GAS7: variants seen among roughly 807,000 people sequenced by gnomAD.
GAS7 encodes the protein growth arrest-specific protein 7.
GAS7 carries 28 observed loss-of-function variants against 71.1 expected under a neutral mutation model. The observed-to-expected ratio is 0.39, with a 90% CI of 0.29 to 0.54. The LOEUF (loss-of-function observed/expected upper bound fraction) is 0.54, where lower values mean the gene tolerates loss of function less well. Ranked by LOEUF, GAS7 falls within the 20% of genes least tolerant of loss-of-function variation. The pLI, the probability that GAS7 is intolerant of heterozygous loss-of-function variation, is 0.62. For missense variants in GAS7, 436 were observed against 627.8 expected (o/e 0.69, Z 3.27); for synonymous variants, 258 against 245.8 (o/e 1.05, Z -0.46).
chr17:10,138,020 T>G (rs2074052741), intron 1 of GAS7, among the ~76,000 whole-genome samples: 1 of 151,998 alleles, frequency 6.6e-6, no homozygotes. Flanking sequence ...TGGAATGCAG[T>G]GGCACAATCT....
In GAS7 at chr17:10,055,150, C is replaced by T. The variant is rs577830221; in HGVS notation, c.184-35253G>A. ...CAGTGGCCTGGGGTAGGATAGTGCACATCCTCAGGTCTGAATGTGAAATGA... is the reference window on the plus strand; with the variant it reads ...CAGTGGCCTGGGGTAGGATAGTGCATATCCTCAGGTCTGAATGTGAAATGA... On this transcript the variant is annotated intron_variant, in intron 1 of 13. Transcript: ENST00000432992. Among the ~76,000 whole-genome samples, 23 of 152,286 alleles carry T rather than the reference C, an allele frequency of 1.5e-4. No individual in the cohort carries two copies. The South Asian group carries it at 4.4e-3, about 29-fold the overall frequency.
chr17:10,151,754 C>T (rs780130127), intron 1 of GAS7, among the ~76,000 whole-genome samples: 6 of 152,142 alleles, frequency 3.9e-5, no homozygotes, highest in Non-Finnish European at 8.8e-5. Flanking sequence ...TAATGTTGCC[C>T]AAGCTAGTCT....
At chr17:10,064,954 G>A (rs573849813) in intron 1 of GAS7, among the ~76,000 whole-genome samples, 130 of 152,194 alleles carry the variant, frequency 8.5e-4, no homozygotes, top group African/African-American at 3.0e-3. Context: ...TCAAGTACCT[G>A]GGACTACAGG....
chr17:10,005,475 A>G (rs1424849001), intron 2 of GAS7, among the ~76,000 whole-genome samples: 4 of 150,076 alleles, frequency 2.7e-5, no homozygotes, highest in Non-Finnish European at 5.9e-5. Flanking sequence ...AACACGGAAA[A>G]CACATGCATG....
At chr17:10,166,808 T>C (rs1049869678) in intron 1 of GAS7, among the ~76,000 whole-genome samples, 1 of 152,182 alleles carries the variant, frequency 6.6e-6, no homozygotes, top group Non-Finnish European at 1.5e-5. Flanking sequence ...ATAACTGATT[T>C]AAAAAGACCA....
intron 2 of GAS7, among the ~76,000 whole-genome samples, chr17:9,984,142 A>G (rs79859301): frequency 0.1 from 15,229 of 152,276 alleles, 1,039 homozygotes; most frequent in African/African-American, 0.2. Flanking sequence ...TGAAAATTCA[A>G]TTGTTTCAAA....
At chr17:10,012,241 T>C (rs1319468389) in intron 2 of GAS7, among the ~76,000 whole-genome samples, 3 of 152,178 alleles carry the variant, frequency 2.0e-5, no homozygotes. Flanking sequence ...TACCTATGAC[T>C]ATATTAAGTG....
At chr17:10,086,894 A>G (rs2073525475) in intron 1 of GAS7, among the ~76,000 whole-genome samples, 1 of 152,172 alleles carries the variant, frequency 6.6e-6, no homozygotes, top group Admixed American at 6.5e-5. Flanking sequence ...GCCGTGTCAT[A>G]CAAGCCAAAG....
At chr17:10,003,743 T>C (rs1212871134) in intron 2 of GAS7, among the ~76,000 whole-genome samples, 1 of 152,208 alleles carries the variant, frequency 6.6e-6, no homozygotes, top group East Asian at 1.9e-4. Flanking sequence ...AAGACCCTCA[T>C]GCCATCTCAG....
chr17:10,191,212 G>T (rs2074496531), intron 1 of GAS7, among the ~76,000 whole-genome samples: 1 of 151,690 alleles, frequency 6.6e-6, no homozygotes, highest in African/African-American at 2.4e-5. Flanking sequence ...TTTGTGTTGG[G>T]CCCCATTCAA....
At chr17:9,940,535 A>G (rs1489544903) in intron 7 of GAS7, among the ~76,000 whole-genome samples, 1 of 152,180 alleles carries the variant, frequency 6.6e-6, no homozygotes, top group Non-Finnish European at 1.5e-5. Flanking sequence ...AAATGAATGA[A>G]GGAAGAAATG....
intron 7 of GAS7, among the ~76,000 whole-genome samples, chr17:9,941,188 C>T (rs1401755743): frequency 6.6e-6 from 1 of 152,220 alleles, no homozygotes; most frequent in Non-Finnish European, 1.5e-5. Context: ...CCTTCTTGCA[C>T]TGCTTTCCCC....
chr17:10,093,921 A>G (rs1011662780), intron 1 of GAS7, among the ~76,000 whole-genome samples: 5 of 152,198 alleles, frequency 3.3e-5, no homozygotes, highest in Admixed American at 6.5e-5. Context: ...GACATGGCTC[A>G]GCACCCTCTC....
Position 10,184,902 on chromosome 17 carries a change from G to A in GAS7, c.183+13306C>T, listed in dbSNP as rs116607635. Among the ~76,000 whole-genome samples the A allele has an allele frequency of 4.6e-3, 699 of 150,944 alleles. 9 individuals carry two copies. Among genetic ancestry groups the A allele is most frequent in the African/African-American group, 0.016 (663 of 40,978 alleles). On this transcript the variant is annotated intron_variant, in intron 1 of 13. Coordinates refer to ENST00000432992, the MANE Select transcript of GAS7 (RefSeq NM_201433.2). ...AGGAAAAGGGGGGCCATGGGAGGCT[G>A]GAGACCAAGCTCTATAAAAACTCTT...
intron 1 of GAS7, among the ~76,000 whole-genome samples, chr17:10,102,935 G>A (rs1170288915): frequency 1.3e-5 from 2 of 152,120 alleles, no homozygotes; most frequent in Non-Finnish European, 2.9e-5. Context: ...TTAGGAAACT[G>A]TCTCTTCCTA....
chr17:10,021,380 C>T (rs756057111), intron 1 of GAS7, among the ~76,000 whole-genome samples: 1 of 152,340 alleles, frequency 6.6e-6, no homozygotes, highest in East Asian at 1.9e-4. Flanking sequence ...TGCAAAACCA[C>T]GTGCCGTGGC....
At chr17:10,071,949 A>G (rs113373523) in intron 1 of GAS7, among the ~76,000 whole-genome samples, 3 of 150,670 alleles carry the variant, frequency 2.0e-5, no homozygotes, top group African/African-American at 4.9e-5. Flanking sequence ...GAAAAAAAAA[A>G]AAAAGAAAAG....
chr17:10,108,211 G>C (rs1192851354), intron 1 of GAS7, among the ~76,000 whole-genome samples: 1 of 152,182 alleles, frequency 6.6e-6, no homozygotes, highest in Non-Finnish European at 1.5e-5. Flanking sequence ...TTTTTGCTTT[G>C]CATCCTCTCC....
intron 6 of GAS7, 30 bp downstream of exon 6, chr17:9,946,864 C>G (rs374477688): frequency 2.0e-6 from 3 of 1,491,542 alleles, no homozygotes; most frequent in Non-Finnish European, 2.8e-6. Flanking sequence ...ACCGGGGTCA[C>G]GCTGTGGGGG....
Sources: gnomAD v4.1 joint callset for allele counts (sites outside exome capture counted in the v4.1 genomes callset) on GRCh38, gnomAD v4.1.1 for gene constraint, MANE v1.5 for transcripts, NCBI Gene and HGNC (gene_info 2026-07-23, HGNC 2026-07-21) for gene names.